The following STPG2 variants were observed in gnomAD, a reference collection of about 807,000 sequenced individuals.
STPG2 encodes sperm tail PG-rich repeat containing 2.
In STPG2, 56 loss-of-function variants were observed where a neutral mutation model predicts 54.2. The ratio of observed to expected loss-of-function variants is 1.03; its 90% confidence interval spans 0.83 to 1.29. The LOEUF (loss-of-function observed/expected upper bound fraction) is 1.29. Ranked by LOEUF, STPG2 falls within the 50% of genes most tolerant of loss-of-function variation. STPG2 has a pLI of 0.00. For missense variants in STPG2, 596 were observed against 544.9 expected (o/e 1.09, Z -0.93); for synonymous variants, 200 against 181.8 (o/e 1.10, Z -0.81).
intron 4 of STPG2, among the ~76,000 whole-genome samples, chr4:97,541,292 G>C (rs144693164): frequency 0.017 from 2,609 of 152,160 alleles, 67 homozygotes; most frequent in African/African-American, 0.058. Flanking sequence ...CAAAATCAAT[G>C]TGCAAAAATC....
intron 4 of STPG2, among the ~76,000 whole-genome samples, chr4:97,529,966 T>G (rs550363221): frequency 1.3e-5 from 2 of 152,306 alleles, no homozygotes; most frequent in East Asian, 3.9e-4. Flanking sequence ...TTACTTCTAT[T>G]ATTTATTTTT....
chr4:97,771,508 G>A (rs893784301), intron 9 of STPG2, among the ~76,000 whole-genome samples: 1 of 152,088 alleles, frequency 6.6e-6, no homozygotes, highest in Non-Finnish European at 1.5e-5. Context: ...CAAGCAGGAA[G>A]CATCCTTTTG....
chr4:97,828,110 T>A (rs955410177), intron 9 of STPG2, among the ~76,000 whole-genome samples: 7 of 152,098 alleles, frequency 4.6e-5, no homozygotes, highest in African/African-American at 1.7e-4. Flanking sequence ...GATGGCCAAA[T>A]AGGAACAGCC....
chr4:98,053,871 T>C (rs557477954), intron 5 of STPG2, among the ~76,000 whole-genome samples: 15 of 152,160 alleles, frequency 9.9e-5, no homozygotes, highest in Non-Finnish European at 2.2e-4. Context: ...AATCCGCAAA[T>C]TCATTTGTTG....
At chr4:97,611,407 G>T (rs1733727085) in intron 10 of STPG2, among the ~76,000 whole-genome samples, 2 of 151,582 alleles carry the variant, frequency 1.3e-5, no homozygotes, top group African/African-American at 4.8e-5. Flanking sequence ...GCTAATTTGG[G>T]AAATAAAAAT....
At chr4:98,139,544 T>C (rs1740223495) in intron 1 of STPG2, among the ~76,000 whole-genome samples, 5 of 152,142 alleles carry the variant, frequency 3.3e-5, no homozygotes, top group East Asian at 3.8e-4. Context: ...GTCCTAAAGG[T>C]AGGTGAGGTA....
At chr4:97,576,318 A>C (rs1732722693) in intron 10 of STPG2, among the ~76,000 whole-genome samples, 1 of 151,736 alleles carries the variant, frequency 6.6e-6, no homozygotes, top group South Asian at 2.1e-4. Flanking sequence ...AGCAGTCCTA[A>C]CAAAACAGAA....
intron 9 of STPG2, among the ~76,000 whole-genome samples, chr4:97,741,944 G>T (rs887386183): frequency 6.6e-6 from 1 of 152,108 alleles, no homozygotes; most frequent in African/African-American, 2.4e-5. Flanking sequence ...ATTCACAATA[G>T]CAAGGACTTG....
chr4:97,718,643 A>G (rs1382517668), intron 9 of STPG2, among the ~76,000 whole-genome samples: 1 of 152,016 alleles, frequency 6.6e-6, no homozygotes, highest in African/African-American at 2.4e-5. Context: ...TGGATATTAA[A>G]AAAGAACTAT....
chr4:97,666,880 C>T (rs1037096204), intron 10 of STPG2, among the ~76,000 whole-genome samples: 1 of 152,124 alleles, frequency 6.6e-6, no homozygotes, highest in Non-Finnish European at 1.5e-5. Context: ...CATCCACCAC[C>T]AGAACCACCA....
intron 10 of STPG2, among the ~76,000 whole-genome samples, chr4:97,681,576 G>A (rs1456351260): frequency 6.6e-6 from 1 of 151,650 alleles, no homozygotes; most frequent in Admixed American, 6.6e-5. Context: ...AGCACGACAG[G>A]GGAAACTCCT....
intron 10 of STPG2, among the ~76,000 whole-genome samples, chr4:97,608,421 G>T (rs1733647909): frequency 6.6e-6 from 1 of 152,044 alleles, no homozygotes; most frequent in African/African-American, 2.4e-5. Context: ...CGTGTGAAGA[G>T]AAGGGAGGAA....
intron 10 of STPG2, among the ~76,000 whole-genome samples, chr4:97,699,972 A>G (rs988008430): frequency 7.2e-5 from 11 of 152,202 alleles, no homozygotes; most frequent in Non-Finnish European, 1.5e-4. Flanking sequence ...TTATGGCTAC[A>G]TGGGTCAGAA....
At chr4:97,878,604 G>T (rs1730262408) in intron 8 of STPG2, among the ~76,000 whole-genome samples, 1 of 152,148 alleles carries the variant, frequency 6.6e-6, no homozygotes, top group South Asian at 2.1e-4. Context: ...TGGGACACAG[G>T]GCACCAAGTC....
At chr4:97,681,675 T>C (rs1315926795) in intron 10 of STPG2, among the ~76,000 whole-genome samples, 1 of 151,826 alleles carries the variant, frequency 6.6e-6, no homozygotes, top group Non-Finnish European at 1.5e-5. Flanking sequence ...AGTCATCATA[T>C]TCATTTTAGA....
At chr4:97,536,763 G>T (rs1256870619) in intron 4 of STPG2, among the ~76,000 whole-genome samples, 1 of 152,124 alleles carries the variant, frequency 6.6e-6, no homozygotes, top group African/African-American at 2.4e-5. Flanking sequence ...GCCCTTCACA[G>T]CCAGTCTCTC....
intron 9 of STPG2, among the ~76,000 whole-genome samples, chr4:97,755,076 A>T (rs1725688743): frequency 6.6e-6 from 1 of 152,170 alleles, no homozygotes; most frequent in South Asian, 2.1e-4. Context: ...CTTATCTTCA[A>T]ACTTCAACAA....
At chr4:97,593,327 G>A (rs1733193828) in intron 10 of STPG2, among the ~76,000 whole-genome samples, 1 of 152,126 alleles carries the variant, frequency 6.6e-6, no homozygotes, top group Non-Finnish European at 1.5e-5. Flanking sequence ...CTTTGCCAGT[G>A]TACATGGGCA....
chr4:97,887,905 C>A (rs1730637702), intron 8 of STPG2, among the ~76,000 whole-genome samples: 1 of 152,178 alleles, frequency 6.6e-6, no homozygotes, highest in African/African-American at 2.4e-5. Flanking sequence ...CTGCTCCCTG[C>A]ATCCCAGCCA....
Sources: allele counts gnomAD v4.1 joint callset (sites outside exome capture counted in the v4.1 genomes callset), GRCh38; gene constraint gnomAD v4.1.1; transcripts MANE v1.5; gene names NCBI Gene and HGNC (gene_info 2026-07-23, HGNC 2026-07-21).